The following USP39 variants were observed in gnomAD, a reference collection of about 807,000 sequenced individuals.
USP39 encodes the protein ubiquitin carboxyl-terminal hydrolase 39.
In USP39, 38 loss-of-function variants were observed where a neutral mutation model predicts 66.4. The observed-to-expected ratio is 0.57, with a 90% CI of 0.44 to 0.75. The LOEUF (loss-of-function observed/expected upper bound fraction) is 0.75. USP39 is among the 30% of genes least tolerant of loss of function. The pLI, the probability that USP39 is intolerant of heterozygous loss-of-function variation, is 0.00. For synonymous variants in USP39, 303 were observed against 274.6 expected, an observed-to-expected ratio of 1.10 and a Z score of -1.02; for missense variants, 608 against 714.4, an observed-to-expected ratio of 0.85 and a Z score of 1.70.
upstream of USP39, chr2:85,610,963 G>A (rs999894589): frequency 2.6e-5 from 4 of 152,288 alleles, no homozygotes; most frequent in Non-Finnish European, 5.8e-5. Context: ...GTTTCACCAT[G>A]TTAGCCAGGA....
Position 85,642,581 on chromosome 2 carries a change from C to T in USP39, c.1427+1463C>T, listed in dbSNP as rs76904975. On this transcript the variant is annotated intron_variant, in intron 10 of 12. Transcript: ENST00000323701. ...AGTTTGTCCTTCAGAAAGCTTACTT[C>T]GGAGAAGTTGAGAAAAAGATTGTTT... 2.4e-3 allele frequency among the ~76,000 whole-genome samples: 363 copies of T among 152,308 alleles called. 1 individual carries two copies. The highest frequency in any genetic ancestry group is 8.2e-3 in the African/African-American group (340 of 41,554).
Position 85,630,817 on chromosome 2 carries a change from G to A in USP39, c.820G>A (p.Val274Ile), listed in dbSNP as rs761101414. 3 of 1,614,016 alleles carry A rather than the reference G, an allele frequency of 1.9e-6. No homozygotes were observed. ...RPPGDIMFLL[V>I]QRFGELMRKL... ...TCCAGGGGATATCATGTTCTTGTTG[G>A]TCCAGCGTTTTGGAGAGCTGATGAG... The change falls in exon 6 of 13, where the codon GTC (valine) becomes ATC (isoleucine). Residue 274 changes from valine to isoleucine, a missense_variant. Coordinates refer to ENST00000323701, the MANE Select transcript of USP39 (RefSeq NM_006590.4).
At chr2:85,607,897 C>T (rs1478510119), upstream of USP39, 1 of 152,148 alleles carries the variant, frequency 6.6e-6, no homozygotes, top group Non-Finnish European at 1.5e-5. Context: ...AGTGGTATTC[C>T]TGGGGATCTT....
intron 1 of USP39, among the ~76,000 whole-genome samples, chr2:85,618,391 G>C (rs1674170595): frequency 6.6e-6 from 1 of 151,822 alleles, no homozygotes; most frequent in East Asian, 2.0e-4. Flanking sequence ...GTGAAACCCC[G>C]TCTCTTCTAA....
In USP39 at chr2:85,616,241, A is replaced by T; in HGVS notation, c.46A>T (p.Lys16Ter). ...GGAGTCTCGCGGTTCCACTCGCGGG[A>T]AGCGAGAGTCTGAGTCGCGGGGCAG... ...KRESRGSTRG[K>*]RESESRGSSG... Residue 16 changes from lysine (K) to a stop codon, truncating the protein, a stop_gained, in exon 1 of 13, where the codon AAG becomes TAG. Transcript: ENST00000323701. LOFTEE classifies it high-confidence loss of function. 2.7e-6 allele frequency: 4 copies of T among 1,493,422 alleles called. No individual in the cohort carries two copies. Among genetic ancestry groups the T allele is most frequent in the Non-Finnish European group, 3.6e-6 (4 of 1,119,218 alleles). The allele number at this position is 1,493,422 out of a possible 1,614,324, so 92.5% of individuals were successfully genotyped here. A position where few individuals can be genotyped will look rare whatever the true frequency, so the allele number is the denominator to read the frequency against.
chr2:85,633,860 CA>C (rs1675560594), intron 6 of USP39, among the ~76,000 whole-genome samples: 1 of 88,096 alleles, frequency 1.1e-5, no homozygotes, highest in East Asian at 3.6e-4. Flanking sequence ...TTTTTTGAGA[CA>C]GAGTCTCGCT....
At chr2:85,644,874 C>T (rs934198796) in intron 10 of USP39, 74 bp from the exon 11 acceptor site, 10 of 1,575,068 alleles carry the variant, frequency 6.3e-6, no homozygotes, top group Middle Eastern at 1.7e-4. Flanking sequence ...TTTTGTGGTC[C>T]GTTTGTGTAG....
upstream of USP39, chr2:85,609,137 A>C: frequency 6.3e-7 from 1 of 1,580,834 alleles, no homozygotes; most frequent in South Asian, 1.1e-5. Context: ...CCTGTCCCTA[A>C]ACACTCTCAC....
At chr2:85,611,807 G>C (rs376357460), upstream of USP39, 160 of 1,609,456 alleles carry the variant, frequency 9.9e-5, no homozygotes, top group Non-Finnish European at 1.3e-4. Flanking sequence ...CCGAGCGGGA[G>C]TCAGGGACTG....
chr2:85,619,063 GC>G (rs1173564550), intron 1 of USP39, among the ~76,000 whole-genome samples, 156 bp from the exon 2 acceptor site: 1 of 152,160 alleles, frequency 6.6e-6, no homozygotes, highest in East Asian at 1.9e-4. Context: ...GAGCTACCGC[GC>G]CCGGCTAGTG....
rs1215382435 is a variant in USP39, at chr2:85,648,789, C to A, written c.1679C>A (p.Thr560Asn). 4 of 1,614,006 alleles carry A rather than the reference C, an allele frequency of 2.5e-6. No homozygotes were observed. Among genetic ancestry groups the A allele is most frequent in the Non-Finnish European group, 3.4e-6 (4 of 1,180,030 alleles). ...TGGAAGAGGCGAGATAATGATGAAACCAACCAGCAGGGGGCTTGAAGGAGG... is the reference window on the plus strand; with the variant it reads ...TGGAAGAGGCGAGATAATGATGAAAACAACCAGCAGGGGGCTTGAAGGAGG... The part of the protein sequence containing the change: ...QIWKRRDNDE[T>N]NQQGA Residue 560 changes from threonine to asparagine, a missense_variant, in exon 13 of 13, where the codon ACC (threonine) becomes AAC (asparagine). Transcript: ENST00000323701.
At chr2:85,645,277 C>CTTT (rs61391085) in intron 11 of USP39, 194 bp downstream of exon 11, 18 of 367,678 alleles carry the variant, frequency 4.9e-5, no homozygotes, top group Non-Finnish European at 7.2e-5. Context: ...ACCTTGGGAG[C>CTTT]TTTTTTTTTT....
chr2:85,622,368 A>G (rs1326754774), intron 3 of USP39, among the ~76,000 whole-genome samples: 1 of 137,748 alleles, frequency 7.3e-6, no homozygotes, highest in East Asian at 2.2e-4. Flanking sequence ...AGTGATCCAT[A>G]CTCCTCAGCC....
chr2:85,623,112 A>G (rs1467735442), intron 3 of USP39, among the ~76,000 whole-genome samples: 1 of 152,170 alleles, frequency 6.6e-6, no homozygotes, highest in Admixed American at 6.5e-5. Flanking sequence ...AGGACATAGA[A>G]TTTGAATGGT....
At chr2:85,611,510 T>A (rs1289948930), upstream of USP39, 10 of 1,550,888 alleles carry the variant, frequency 6.4e-6, no homozygotes, top group South Asian at 1.2e-5. Context: ...TTGGTGAGAA[T>A]CATTCAGCGG....
chr2:85,630,977 A>G, intron 6 of USP39, 31 bp downstream of exon 6: 1 of 1,594,626 alleles, frequency 6.3e-7, no homozygotes, highest in South Asian at 1.1e-5. Flanking sequence ...TTTCAGGACA[A>G]CAAAACTAGT....
chr2:85,648,119 G>T (rs1409443862), intron 12 of USP39, 103 bp downstream of exon 12: 2 of 1,212,848 alleles, frequency 1.6e-6, no homozygotes, highest in Non-Finnish European at 2.4e-6. Flanking sequence ...GACCTTGGTT[G>T]GAGGGCCAGG....
intron 6 of USP39, among the ~76,000 whole-genome samples, chr2:85,634,116 C>T (rs1199324253): frequency 2.7e-5 from 4 of 148,444 alleles, no homozygotes; most frequent in Non-Finnish European, 4.5e-5. Flanking sequence ...GGATTACAGG[C>T]GTGAGCCACC....
chr2:85,611,974 C>G, upstream of USP39: 1 of 1,536,844 alleles, frequency 6.5e-7, no homozygotes, highest in Non-Finnish European at 8.7e-7. Flanking sequence ...GGGATGCGGC[C>G]CCGCCTCCAT....
Sources: allele counts gnomAD v4.1 joint callset (sites outside exome capture counted in the v4.1 genomes callset), GRCh38; gene constraint gnomAD v4.1.1; transcripts MANE v1.5; gene names NCBI Gene and HGNC (gene_info 2026-07-23, HGNC 2026-07-21).